The following PREX2 variants were observed in gnomAD, a reference collection of about 807,000 sequenced individuals.
PREX2 encodes the protein phosphatidylinositol 3,4,5-trisphosphate-dependent Rac exchanger 2 protein.
In PREX2, 107 loss-of-function variants were observed where a neutral mutation model predicts 203.2. The observed-to-expected ratio is 0.53, with a 90% confidence interval of 0.45 to 0.62. The LOEUF is 0.62. PREX2 is among the 20% of genes least tolerant of loss of function. PREX2 has a pLI of 0.00. For synonymous variants in PREX2, 672 were observed against 663.6 expected (o/e 1.01, Z -0.19); for missense variants, 1,777 against 1,955.9 (o/e 0.91, Z 1.72).
At chr8:67,995,966 G>A (rs1179572239) in intron 1 of PREX2, among the ~76,000 whole-genome samples, 1 of 152,052 alleles carries the variant, frequency 6.6e-6, no homozygotes. Context: ...GGTTCCAGCT[G>A]TTTCATAGCC....
At chr8:67,978,657 C>G (rs1563481541) in intron 1 of PREX2, among the ~76,000 whole-genome samples, 1 of 151,990 alleles carries the variant, frequency 6.6e-6, no homozygotes, top group Non-Finnish European at 1.5e-5. Context: ...GTGGATAGTT[C>G]AGTCTTCTAA....
chr8:68,198,546 T>C, intron 37 of PREX2, among the ~76,000 whole-genome samples: 1 of 152,214 alleles, frequency 6.6e-6, no homozygotes, highest in East Asian at 1.9e-4. Context: ...TGGTTCTTTA[T>C]TCCCACCTTG....
intron 1 of PREX2, among the ~76,000 whole-genome samples, chr8:67,976,653 AGAGACGG>A (rs1806111749): frequency 1.1e-5 from 1 of 94,182 alleles, no homozygotes; most frequent in Non-Finnish European, 2.2e-5. Flanking sequence ...ACAGAGAGAG[AGAGACGG>A]GAGAGAGACA....
chr8:68,186,569 A>T (rs912877644), intron 35 of PREX2, among the ~76,000 whole-genome samples: 2 of 152,038 alleles, frequency 1.3e-5, no homozygotes, highest in Non-Finnish European at 2.9e-5. Flanking sequence ...GCTGGAGTGC[A>T]ATGGTGTGAT....
intron 21 of PREX2, among the ~76,000 whole-genome samples, chr8:68,095,745 G>T (rs557871195): frequency 6.6e-6 from 1 of 150,938 alleles, no homozygotes; most frequent in Admixed American, 6.6e-5. Context: ...GAAGTGATCC[G>T]CCGTCAGTTC....
chr8:68,032,816 G>A (rs1294360632), intron 6 of PREX2, among the ~76,000 whole-genome samples: 1 of 152,100 alleles, frequency 6.6e-6, no homozygotes, highest in African/African-American at 2.4e-5. Context: ...TCAGACGTAG[G>A]GTGGCATGAC....
In PREX2 at chr8:67,952,256, A is replaced by T. The variant is rs1805361379; in HGVS notation, c.-139A>T. 1.5e-6 allele frequency: 1 copy of T among 654,672 alleles called. No individual in the cohort carries two copies. Among genetic ancestry groups the T allele is most frequent in the Non-Finnish European group, 2.2e-6 (1 of 457,424 alleles). The allele number at this position is 654,672 out of a possible 1,614,324, so 40.6% of individuals were successfully genotyped here. On this transcript the variant is annotated 5_prime_UTR_variant, in exon 1 of 40. The change abolishes an upstream ATG in the 5' untranslated region. Coordinates refer to ENST00000288368, the MANE Select transcript of PREX2 (RefSeq NM_024870.4). Reference sequence around the variant, plus strand: ...TCCCTGCGCCCAGCCTCTCCCCAGCATGTAAAGTCTTCTGTCTCTCCTCGG... The same window carrying T: ...TCCCTGCGCCCAGCCTCTCCCCAGCTTGTAAAGTCTTCTGTCTCTCCTCGG...
chr8:68,214,833 C>G (rs532999726), intron 37 of PREX2, among the ~76,000 whole-genome samples: 144 of 152,272 alleles, frequency 9.5e-4, no homozygotes, highest in African/African-American at 3.3e-3. Flanking sequence ...AACCATGAAT[C>G]AAATTACAGG....
Position 68,178,046 on chromosome 8 carries a change from A to G in PREX2, c.4347-13676A>G, listed in dbSNP as rs925696687. Among the ~76,000 whole-genome samples, 3 of 152,128 alleles carry G rather than the reference A, an allele frequency of 2.0e-5. No individual in the cohort carries two copies. In the East Asian group the frequency reaches 5.8e-4, roughly 29 times the overall value. On this transcript the variant is annotated intron_variant, in intron 35 of 39. Transcript: ENST00000288368. ...TCTTTATCCAGTCTATCACTGATGG[A>G]CATTTGAGTTGATTCCATGTCTTTG... is the stretch of plus-strand genomic sequence containing the variant.
chr8:68,076,065 A>G (rs1050352031), intron 14 of PREX2, among the ~76,000 whole-genome samples: 2 of 152,212 alleles, frequency 1.3e-5, no homozygotes, highest in Non-Finnish European at 2.9e-5. Flanking sequence ...CATAAAACCA[A>G]GATATGGAAA....
intron 1 of PREX2, among the ~76,000 whole-genome samples, chr8:68,013,910 T>C (rs536448412): frequency 5.2e-4 from 79 of 152,334 alleles, no homozygotes; most frequent in African/African-American, 1.8e-3. Flanking sequence ...AAAATTCAGA[T>C]TGGCATCGGG....
rs1443826024 is a variant in PREX2 at position 68,232,546 on chromosome 8, TA to T, written c.*1170del. 6.6e-6 allele frequency: 1 copy of T among 152,218 alleles called. No homozygotes were observed. Among genetic ancestry groups the T allele is most frequent in the African/African-American group, 2.4e-5 (1 of 41,470 alleles). The allele number at this position is 152,218 out of a possible 1,614,324, so 9.4% of individuals were successfully genotyped here. Reference sequence around the variant, plus strand: ...TCAAACAAAACACTCATGATTGTGATAATTATATGGGTTTACACTAATTTAG... The same window carrying T: ...TCAAACAAAACACTCATGATTGTGATATTATATGGGTTTACACTAATTTAG... On this transcript the variant is annotated 3_prime_UTR_variant, in exon 40 of 40. Coordinates refer to ENST00000288368, the MANE Select transcript of PREX2 (RefSeq NM_024870.4).
chr8:68,164,644 A>G (rs1440310745), intron 35 of PREX2, among the ~76,000 whole-genome samples: 5 of 141,282 alleles, frequency 3.5e-5, no homozygotes, highest in Admixed American at 7.8e-5. Flanking sequence ...GTGCAGTGGC[A>G]CGATCTTGGC....
At chr8:67,955,675 C>T (rs1296049957) in intron 1 of PREX2, among the ~76,000 whole-genome samples, 6 of 152,198 alleles carry the variant, frequency 3.9e-5, no homozygotes, top group Admixed American at 1.3e-4. Flanking sequence ...CCTTGTGTGC[C>T]TGTGCTTTCC....
chr8:68,232,357 T>C lies in PREX2; in HGVS notation c.*979T>C, dbSNP rs1157998416. ...ATAAGATATGAAAATAAGGCTTTAT[T>C]TGTACTTTAAAAGGACCATTAGGGG... On this transcript the variant is annotated 3_prime_UTR_variant, in exon 40 of 40. Coordinates refer to ENST00000288368, the MANE Select transcript of PREX2 (RefSeq NM_024870.4). The C allele has an allele frequency of 6.7e-6, 1 of 149,584 alleles. No homozygotes were observed. The highest frequency in any genetic ancestry group is 1.5e-5 in the Non-Finnish European group (1 of 67,358). The allele number at this position is 149,584 out of a possible 1,614,324, so 9.3% of individuals were successfully genotyped here.
At chr8:68,165,188 T>C (rs1811737252) in intron 35 of PREX2, among the ~76,000 whole-genome samples, 1 of 152,154 alleles carries the variant, frequency 6.6e-6, no homozygotes, top group Non-Finnish European at 1.5e-5. Context: ...CCCTGGATGT[T>C]AGCATTTCAA....
In PREX2 at chr8:68,108,146, T is replaced by C. The variant is rs748543970; in HGVS notation, c.2753T>C (p.Phe918Ser). ...RVLKNRAWPT[F>S]KQAKSKISPL... ...CTGAAGAATAGGGCCTGGCCTACTT[T>C]TAAACAGGCCAAATCTAAAATCTCC... is the stretch of plus-strand genomic sequence containing the variant. Residue 918 changes from phenylalanine to serine, a missense_variant, in exon 24 of 40, where the codon TTT becomes TCT. By Grantham distance (155) the Phe-to-Ser change is radical (BLOSUM62 -2). Transcript: ENST00000288368. 1.2e-6 allele frequency: 2 copies of C among 1,613,902 alleles called. No individual in the cohort carries two copies. The highest frequency in any genetic ancestry group is 3.3e-5 in the Admixed American group (2 of 59,988).
chr8:68,112,571 AG>A (rs1249769395), intron 25 of PREX2, among the ~76,000 whole-genome samples: 1 of 152,090 alleles, frequency 6.6e-6, no homozygotes, highest in Non-Finnish European at 1.5e-5. Flanking sequence ...GTACAACAAG[AG>A]GGGCACACCA....
chr8:68,150,542 C>T (rs929220879), intron 34 of PREX2, among the ~76,000 whole-genome samples: 1 of 152,178 alleles, frequency 6.6e-6, no homozygotes, highest in African/African-American at 2.4e-5. Context: ...CAAGGAAGTA[C>T]TAAGAGGGAC....
Sources: gnomAD v4.1 joint callset for allele counts (sites outside exome capture counted in the v4.1 genomes callset) on GRCh38, gnomAD v4.1.1 for gene constraint, MANE v1.5 for transcripts, NCBI Gene and HGNC (gene_info 2026-07-23, HGNC 2026-07-21) for gene names.